NBEA: variants seen among roughly 807,000 people sequenced by gnomAD.
NBEA encodes lysosomal-trafficking regulator 2.
NBEA carries 44 observed loss-of-function variants against 343.4 expected under a neutral mutation model. The observed-to-expected ratio is 0.13, with a 90% CI of 0.10 to 0.16. The LOEUF (loss-of-function observed/expected upper bound fraction) is 0.16, where lower values mean the gene tolerates loss of function less well. NBEA is among the 10% of genes least tolerant of loss of function. The probability of loss-of-function intolerance (pLI) is 1.00; values close to 1 mark genes in which losing one functional copy is unlikely to be tolerated. For missense variants in NBEA, 2,555 were observed against 3,631.3 expected, an observed-to-expected ratio of 0.70 and a Z score of 7.62; for synonymous variants, 1,175 against 1,238.7, an observed-to-expected ratio of 0.95 and a Z score of 1.08.
chr13:35,320,968 G>A (rs145198843), intron 36 of NBEA, among the ~76,000 whole-genome samples: 107 of 151,974 alleles, frequency 7.0e-4, no homozygotes, highest in African/African-American at 2.0e-3. Flanking sequence ...TCCCTAAACC[G>A]GTTATTCTAG....
At chr13:35,281,990 G>A (rs1217751899) in intron 34 of NBEA, among the ~76,000 whole-genome samples, 1 of 152,006 alleles carries the variant, frequency 6.6e-6, no homozygotes, top group Non-Finnish European at 1.5e-5. Context: ...TTGGCCCACT[G>A]CAAGCTCCAC....
At chr13:35,296,135 T>TA (rs1424873803) in intron 35 of NBEA, among the ~76,000 whole-genome samples, 1 of 152,110 alleles carries the variant, frequency 6.6e-6, no homozygotes. Flanking sequence ...CTCACGCCTG[T>TA]AATCCCAGCA....
At chr13:35,273,775 A>G (rs1467462199) in intron 34 of NBEA, among the ~76,000 whole-genome samples, 1 of 152,180 alleles carries the variant, frequency 6.6e-6, no homozygotes, top group African/African-American at 2.4e-5. Flanking sequence ...AGAAATGGAT[A>G]AATTCCTGGA....
At position 35,211,193 on chromosome 13, in the gene NBEA, C is replaced by G; in HGVS notation, c.5648+14C>G. Reference sequence around the variant, plus strand: ...TGAAAATATGAGGTATGCATGACTACTTTTTATTCATTTTAACTCTTTTTA... The same window carrying G: ...TGAAAATATGAGGTATGCATGACTAGTTTTTATTCATTTTAACTCTTTTTA... On this transcript the variant is annotated intron_variant, in intron 33 of 58. Transcript: ENST00000379939. 6.5e-7 allele frequency: 1 copy of G among 1,540,086 alleles called. No individual in the cohort carries two copies. Among genetic ancestry groups the G allele is most frequent in the Non-Finnish European group, 8.8e-7 (1 of 1,142,232 alleles).
chr13:35,008,547 A>G (rs2061387341), intron 1 of NBEA, among the ~76,000 whole-genome samples: 1 of 152,310 alleles, frequency 6.6e-6, no homozygotes, highest in East Asian at 1.9e-4. Context: ...TTTTTGATCC[A>G]TAGTTGTTTG....
intron 34 of NBEA, among the ~76,000 whole-genome samples, chr13:35,252,053 G>A (rs141164603): frequency 2.0e-5 from 3 of 152,252 alleles, no homozygotes; most frequent in Non-Finnish European, 2.9e-5. Context: ...ATCCACTTCT[G>A]TATTAGTCCA....
chr13:35,309,674 C>G, intron 36 of NBEA, 82 bp downstream of exon 36: 1 of 699,014 alleles, frequency 1.4e-6, no homozygotes, highest in South Asian at 2.1e-5. Flanking sequence ...CCATCTGTTC[C>G]AAAAATGTAG....
chr13:35,332,340 A>T (rs2038975923), intron 36 of NBEA, among the ~76,000 whole-genome samples: 1 of 152,068 alleles, frequency 6.6e-6, no homozygotes, highest in South Asian at 2.1e-4. Flanking sequence ...GAAATGGCAT[A>T]TATAAAGGCC....
At chr13:35,246,582 T>A (rs75589828) in intron 34 of NBEA, among the ~76,000 whole-genome samples, 15,651 of 152,102 alleles carry the variant, frequency 0.1, 894 homozygotes, top group African/African-American at 0.15. Flanking sequence ...CATCAGGGCT[T>A]CCAGGCTCCA....
chr13:35,433,339 C>CA (rs1566126489), intron 39 of NBEA, among the ~76,000 whole-genome samples: 1 of 151,930 alleles, frequency 6.6e-6, no homozygotes. Context: ...GTTTGTTATC[C>CA]ACTTTTGTTC....
intron 34 of NBEA, among the ~76,000 whole-genome samples, chr13:35,254,796 C>CA (rs1212447423): frequency 6.6e-6 from 1 of 151,966 alleles, no homozygotes; most frequent in Non-Finnish European, 1.5e-5. Flanking sequence ...GTTGATACAG[C>CA]AAATATACCT....
intron 35 of NBEA, among the ~76,000 whole-genome samples, chr13:35,305,098 T>A (rs1421438341): frequency 6.6e-6 from 1 of 152,216 alleles, no homozygotes; most frequent in Non-Finnish European, 1.5e-5. Flanking sequence ...CTTGTAAGTA[T>A]CATCTGTAGC....
At chr13:35,621,313 T>C (rs772680227) in intron 48 of NBEA, among the ~76,000 whole-genome samples, 11 of 152,180 alleles carry the variant, frequency 7.2e-5, no homozygotes, top group African/African-American at 1.2e-4. Flanking sequence ...GTTGAATGAA[T>C]GAATGCTCCC....
intron 41 of NBEA, among the ~76,000 whole-genome samples, chr13:35,533,720 T>C (rs1451093125): frequency 6.6e-6 from 1 of 152,052 alleles, no homozygotes; most frequent in Non-Finnish European, 1.5e-5. Flanking sequence ...TATAAATTAG[T>C]TAGCCAATGT....
chr13:35,070,240 G>T, intron 9 of NBEA, 135 bp downstream of exon 9: 4 of 826,330 alleles, frequency 4.8e-6, no homozygotes, highest in Non-Finnish European at 3.6e-6. Flanking sequence ...TCTTTTAAGT[G>T]AAACTTTAAA....
At chr13:35,067,246 AT>A (rs879585442) in intron 8 of NBEA, among the ~76,000 whole-genome samples, 1 of 151,972 alleles carries the variant, frequency 6.6e-6, no homozygotes, top group South Asian at 2.1e-4. Flanking sequence ...GAATCTCTTC[AT>A]TTGTTTCTGT....
chr13:35,158,564 T>C (rs1177672963), intron 21 of NBEA, among the ~76,000 whole-genome samples: 2 of 152,108 alleles, frequency 1.3e-5, no homozygotes, highest in Non-Finnish European at 2.9e-5. Context: ...TATTTAATGA[T>C]ATGTGTGAAT....
intron 1 of NBEA, among the ~76,000 whole-genome samples, chr13:35,036,970 T>C (rs2062464612): frequency 6.6e-6 from 1 of 152,164 alleles, no homozygotes; most frequent in Non-Finnish European, 1.5e-5. Flanking sequence ...ATTTGAAGGT[T>C]TACTCAGAAT....
intron 41 of NBEA, chr13:35,475,513 T>C (rs1334316078): frequency 1.9e-6 from 3 of 1,612,092 alleles, no homozygotes; most frequent in East Asian, 2.2e-5. Context: ...GGACAAGAGA[T>C]TGAAACCTTC....
Sources: gnomAD v4.1 joint callset for allele counts (sites outside exome capture counted in the v4.1 genomes callset) on GRCh38, gnomAD v4.1.1 for gene constraint, MANE v1.5 for transcripts, NCBI Gene and HGNC (gene_info 2026-07-23, HGNC 2026-07-21) for gene names.